KLRG1: variants seen among roughly 807,000 people sequenced by gnomAD.
The protein encoded by KLRG1 is killer cell lectin like receptor G1, also known as killer cell lectin-like receptor subfamily G member 1.
Under a neutral mutation model 21.8 loss-of-function variants are expected in KLRG1, and 16 were observed. That is an observed-to-expected ratio of 0.73 (90% CI 0.50 to 1.11). KLRG1 has a LOEUF of 1.11. Ranked by LOEUF, KLRG1 falls within the 50% of genes most tolerant of loss-of-function variation. KLRG1 has a pLI of 0.00. For synonymous variants in KLRG1, 69 were observed against 75.9 expected, an observed-to-expected ratio of 0.91 and a Z score of 0.47; for missense variants, 173 against 218.3, an observed-to-expected ratio of 0.79 and a Z score of 1.31.
At chr12:9,202,406 G>C in the KLRG1 span, 1 of 1,613,996 alleles carries the variant, frequency 6.2e-7, no homozygotes, top group Non-Finnish European at 8.5e-7. Context: ...ATTCAGACAT[G>C]ATAAAGCAGG....
intron 3 of KLRG1, among the ~76,000 whole-genome samples, chr12:9,002,972 G>T (rs1053764366): frequency 2.7e-5 from 4 of 148,802 alleles, no homozygotes; most frequent in African/African-American, 1.0e-4. Flanking sequence ...AGAATATAAG[G>T]TTATTGTACT....
the KLRG1 span, among the ~76,000 whole-genome samples, chr12:9,139,486 A>G: frequency 6.6e-6 from 1 of 152,166 alleles, no homozygotes; most frequent in Non-Finnish European, 1.5e-5. Flanking sequence ...TTATGGATAC[A>G]GATTTCTGTC....
At chr12:9,029,881 C>T in the KLRG1 span, among the ~76,000 whole-genome samples, 5 of 152,196 alleles carry the variant, frequency 3.3e-5, no homozygotes, top group Admixed American at 2.6e-4. Flanking sequence ...CTCGGCCTCC[C>T]GAGTAGCTGG....
chr12:9,126,230 G>A, the KLRG1 span, among the ~76,000 whole-genome samples: 1 of 152,156 alleles, frequency 6.6e-6, no homozygotes, highest in African/African-American at 2.4e-5. Context: ...TTCTGAAGTG[G>A]AGAATGTTAT....
chr12:9,196,663 G>T, the KLRG1 span: 1 of 1,612,348 alleles, frequency 6.2e-7, no homozygotes, highest in Admixed American at 1.7e-5. Flanking sequence ...TACTTGTTGG[G>T]TGATGCAGCC....
the KLRG1 span, chr12:9,200,347 A>G: frequency 2.6e-6 from 4 of 1,545,544 alleles, no homozygotes; most frequent in African/African-American, 5.5e-5. Context: ...ATTTTAGATA[A>G]AAACAATGTA....
chr12:9,033,214 A>T, the KLRG1 span, among the ~76,000 whole-genome samples: 3 of 152,186 alleles, frequency 2.0e-5, no homozygotes, highest in African/African-American at 7.2e-5. Flanking sequence ...AGGAGGGAAG[A>T]TCGCTTGAGC....
intron 1 of KLRG1, among the ~76,000 whole-genome samples, chr12:8,954,277 G>T (rs764102417): frequency 4.6e-5 from 7 of 152,060 alleles, no homozygotes; most frequent in Non-Finnish European, 1.0e-4. Context: ...CAGGGGCGGG[G>T]TAGGGGAAAT....
the KLRG1 span, among the ~76,000 whole-genome samples, chr12:9,037,567 G>T: frequency 6.6e-6 from 1 of 152,148 alleles, no homozygotes; most frequent in Non-Finnish European, 1.5e-5. Context: ...TATACAGTGT[G>T]TATAAAGTCT....
the KLRG1 span, among the ~76,000 whole-genome samples, chr12:9,213,791 A>G: frequency 6.6e-6 from 1 of 152,044 alleles, no homozygotes; most frequent in Admixed American, 6.5e-5. Context: ...TTGTCTCTTC[A>G]TGCATGATAG....
chr12:9,179,472 A>G, the KLRG1 span, among the ~76,000 whole-genome samples: 4 of 152,344 alleles, frequency 2.6e-5, no homozygotes, highest in Middle Eastern at 0.01. Flanking sequence ...ACTATAGTCA[A>G]AAGCAGATAA....
the KLRG1 span, chr12:9,181,216 A>G: frequency 6.4e-7 from 1 of 1,557,064 alleles, no homozygotes; most frequent in Non-Finnish European, 8.8e-7. Context: ...AGCCACCCTT[A>G]TATTCAGTTC....
At chr12:9,058,467 A>G in the KLRG1 span, 1 of 151,842 alleles carries the variant, frequency 6.6e-6, no homozygotes, top group Non-Finnish European at 1.5e-5. Context: ...ACAAACATAT[A>G]TGTTTTAATA....
the KLRG1 span, among the ~76,000 whole-genome samples, chr12:9,040,972 C>T: frequency 0.052 from 7,874 of 152,294 alleles, 628 homozygotes; most frequent in African/African-American, 0.17. Flanking sequence ...AGCAGCTGTG[C>T]AAAATGCTGT....
chr12:8,967,581 G>T (rs906195901), intron 1 of KLRG1, among the ~76,000 whole-genome samples: 3 of 125,996 alleles, frequency 2.4e-5, no homozygotes, highest in African/African-American at 7.7e-5. Flanking sequence ...AATTAGCCAG[G>T]CGTGGTGGTG....
chr12:9,013,355 TGAC>T (rs1947658080), downstream of KLRG1, among the ~76,000 whole-genome samples: 1 of 152,074 alleles, frequency 6.6e-6, no homozygotes, highest in Admixed American at 6.5e-5. Context: ...GAGGAAAACA[TGAC>T]CTCACCAAAT....
chr12:9,054,281 T>C, the KLRG1 span, among the ~76,000 whole-genome samples: 1 of 152,220 alleles, frequency 6.6e-6, no homozygotes, highest in Non-Finnish European at 1.5e-5. Context: ...AGTTTGGTGA[T>C]GTTTCTGTGA....
At chr12:8,972,521 C>T (rs1946588081) in intron 1 of KLRG1, among the ~76,000 whole-genome samples, 1 of 152,200 alleles carries the variant, frequency 6.6e-6, no homozygotes, top group African/African-American at 2.4e-5. Context: ...TTTCATTCTT[C>T]TGCATGTAGA....
At chr12:9,147,297 A>G in the KLRG1 span, among the ~76,000 whole-genome samples, 1 of 152,128 alleles carries the variant, frequency 6.6e-6, no homozygotes, top group Admixed American at 6.5e-5. Flanking sequence ...GAACTCTATC[A>G]CTGGCAAGAT....
Sources: gnomAD v4.1 joint callset for allele counts (sites outside exome capture counted in the v4.1 genomes callset) on GRCh38, gnomAD v4.1.1 for gene constraint, MANE v1.5 for transcripts, NCBI Gene and HGNC (gene_info 2026-07-23, HGNC 2026-07-21) for gene names.